CSGALNACT1: variants seen among roughly 807,000 people sequenced by gnomAD.
CSGALNACT1 encodes the protein beta4GalNAcT-1.
CSGALNACT1 carries 52 observed loss-of-function variants against 51.0 expected under a neutral mutation model. The observed-to-expected ratio is 1.02, with a 90% CI of 0.82 to 1.29. CSGALNACT1 has a LOEUF of 1.29. Among genes scored for constraint, CSGALNACT1 ranks in the 50% most tolerant of loss-of-function variants. CSGALNACT1 has a pLI of 0.00. For missense variants in CSGALNACT1, 935 were observed against 679.2 expected (o/e 1.38, Z -4.19); for synonymous variants, 341 against 254.4 (o/e 1.34, Z -3.24).
chr8:19,406,150 C>T (rs2054126073), intron 9 of CSGALNACT1, 81 bp from the exon 9 acceptor site: 1 of 1,507,834 alleles, frequency 6.6e-7, no homozygotes, highest in African/African-American at 1.4e-5. Flanking sequence ...ACAAACTTTT[C>T]ATTAAGACAT....
At chr8:19,722,153 T>C (rs1439523497) in intron 1 of CSGALNACT1, among the ~76,000 whole-genome samples, 1 of 152,138 alleles carries the variant, frequency 6.6e-6, no homozygotes, top group Non-Finnish European at 1.5e-5. Flanking sequence ...TTTTCCTAAT[T>C]AGATGAGAAA....
chr8:19,608,644 A>G (rs1377483717), intron 1 of CSGALNACT1, among the ~76,000 whole-genome samples: 1 of 152,242 alleles, frequency 6.6e-6, no homozygotes, highest in Admixed American at 6.5e-5. Context: ...AACTGCCCAG[A>G]ACACAAGTTT....
chr8:19,575,212 G>A (rs1397916222), intron 3 of CSGALNACT1, among the ~76,000 whole-genome samples: 1 of 152,166 alleles, frequency 6.6e-6, no homozygotes, highest in Admixed American at 6.5e-5. Flanking sequence ...ATCTGAAGAG[G>A]CTGAACATTG....
chr8:19,742,321 T>A (rs1046071714), intron 1 of CSGALNACT1, among the ~76,000 whole-genome samples: 4 of 152,214 alleles, frequency 2.6e-5, no homozygotes, highest in Non-Finnish European at 5.9e-5. Flanking sequence ...CACAGTGCCG[T>A]ATAAACTGAA....
intron 1 of CSGALNACT1, among the ~76,000 whole-genome samples, chr8:19,749,626 C>G (rs1288459745): frequency 6.6e-6 from 1 of 152,210 alleles, no homozygotes. Context: ...CATCCCTGAT[C>G]TAACAACACA....
intron 4 of CSGALNACT1, among the ~76,000 whole-genome samples, chr8:19,499,281 C>G (rs1343581790): frequency 6.6e-6 from 1 of 152,122 alleles, no homozygotes; most frequent in Admixed American, 6.5e-5. Flanking sequence ...TGGCATTTAC[C>G]ATATGCTGTC....
chr8:19,615,623 G>A (rs549809010), intron 1 of CSGALNACT1, among the ~76,000 whole-genome samples: 11 of 152,258 alleles, frequency 7.2e-5, no homozygotes, highest in East Asian at 5.8e-4. Flanking sequence ...AAACATATTA[G>A]AACTATGAAA....
intron 1 of CSGALNACT1, among the ~76,000 whole-genome samples, chr8:19,675,781 C>T (rs2060131806): frequency 6.6e-6 from 1 of 152,104 alleles, no homozygotes; most frequent in African/African-American, 2.4e-5. Flanking sequence ...AGCCACTGTG[C>T]CCTGCGCCCT....
intron 5 of CSGALNACT1, among the ~76,000 whole-genome samples, chr8:19,442,356 T>C (rs988069364): frequency 2.0e-5 from 3 of 152,166 alleles, no homozygotes; most frequent in African/African-American, 7.2e-5. Flanking sequence ...TAAGAAAATG[T>C]GGCACATATA....
intron 4 of CSGALNACT1, among the ~76,000 whole-genome samples, chr8:19,464,289 C>T (rs1245532128): frequency 6.6e-6 from 1 of 152,106 alleles, no homozygotes; most frequent in African/African-American, 2.4e-5. Flanking sequence ...CCCAGTCGGT[C>T]CCACACATAT....
intron 4 of CSGALNACT1, among the ~76,000 whole-genome samples, chr8:19,492,437 CCT>C (rs1395468757): frequency 1.2e-4 from 19 of 152,226 alleles, no homozygotes; most frequent in Admixed American, 3.9e-4. Context: ...CTCCTGATCT[CCT>C]GATTCAGAAG....
chr8:19,503,610 C>A (rs985981646), intron 4 of CSGALNACT1, among the ~76,000 whole-genome samples: 2 of 151,644 alleles, frequency 1.3e-5, no homozygotes, highest in Non-Finnish European at 2.9e-5. Flanking sequence ...CCCTGAGGGT[C>A]GGCTAGTAAA....
chr8:19,556,014 G>C (rs1426183218), intron 3 of CSGALNACT1, among the ~76,000 whole-genome samples: 1 of 152,114 alleles, frequency 6.6e-6, no homozygotes, highest in East Asian at 1.9e-4. Flanking sequence ...TACCCTCGAA[G>C]ATAAGAACGA....
intron 1 of CSGALNACT1, among the ~76,000 whole-genome samples, chr8:19,670,245 G>A (rs1394212919): frequency 1.3e-5 from 2 of 152,122 alleles, no homozygotes; most frequent in African/African-American, 4.8e-5. Context: ...GTCTCCTTCA[G>A]TGCCCATTGC....
Position 19,660,905 on chromosome 8 carries a change from G to C in CSGALNACT1, c.-544+21568C>G, listed in dbSNP as rs150082273. On this transcript the variant is annotated intron_variant, in intron 1 of 9. Transcript: ENST00000332246. Reference sequence around the variant, plus strand: ...TATGGCACAAGGACCGTTCAGGTTTGTTTGTTTGTTTTGTTTTTGTTTTTT... The same window carrying C: ...TATGGCACAAGGACCGTTCAGGTTTCTTTGTTTGTTTTGTTTTTGTTTTTT... 2.5e-4 allele frequency among the ~76,000 whole-genome samples: 38 copies of C among 152,110 alleles called. No homozygotes were observed. In the East Asian group the frequency reaches 7.0e-3, roughly 28 times the overall value.
chr8:19,641,537 T>C (rs181447133), intron 1 of CSGALNACT1, among the ~76,000 whole-genome samples: 1 of 152,036 alleles, frequency 6.6e-6, no homozygotes, highest in East Asian at 1.9e-4. Flanking sequence ...TCCACAGGAG[T>C]GGACACGATC....
In CSGALNACT1 at chr8:19,757,811, G is replaced by A. The variant is rs1312555360; in HGVS notation, c.-297+39C>T. The A allele has an allele frequency of 6.6e-6, 1 of 152,200 alleles. No homozygotes were observed. Among genetic ancestry groups the A allele is most frequent in the African/African-American group, 2.4e-5 (1 of 41,416 alleles). 9.4% of individuals were successfully genotyped at this position (152,200 alleles called of 1,614,324 possible). ...CTTTAGTCGCGGTCTCTGCTGCCCT[G>A]GTCAGCTATAACGCCTCCCCTAGAG... is the stretch of plus-strand genomic sequence containing the variant. On this transcript the variant is annotated intron_variant, in intron 1 of 1. Transcript: ENST00000517494. This position sits in a 1 kb window ranked among gnomAD's most constrained non-coding sequence, Gnocchi z 4.0.
At position 19,613,680 on chromosome 8, in the gene CSGALNACT1, C is replaced by T. The variant is rs544714262; in HGVS notation, c.-543-11815G>A. ...TATAATCTGAAAAGTAGGGTTAACA[C>T]GTTTAAGACCATAATCAGCCCCTGT... On this transcript the variant is annotated intron_variant, in intron 1 of 9. Coordinates refer to the CSGALNACT1 transcript ENST00000332246. Among the ~76,000 whole-genome samples the T allele has an allele frequency of 1.5e-4, 23 of 152,314 alleles. No individual in the cohort carries two copies. In the South Asian group the frequency reaches 3.5e-3, roughly 23 times the overall value.
At chr8:19,689,098 C>G (rs1452452779) in intron 1 of CSGALNACT1, among the ~76,000 whole-genome samples, 2 of 152,204 alleles carry the variant, frequency 1.3e-5, no homozygotes, top group Non-Finnish European at 2.9e-5. Flanking sequence ...TGATTCTCCT[C>G]TTAATCCATC....
Sources: gnomAD v4.1 joint callset for allele counts (sites outside exome capture counted in the v4.1 genomes callset) on GRCh38, gnomAD v4.1.1 for gene constraint, Gnocchi (gnomAD v3.1) non-coding constraint, MANE v1.5 for transcripts, NCBI Gene and HGNC (gene_info 2026-07-23, HGNC 2026-07-21) for gene names.